The following FOLH1 variants were observed in gnomAD, a reference collection of about 807,000 sequenced individuals.
FOLH1 encodes the protein folate hydrolase 1, also known as glutamate carboxypeptidase 2.
Under a neutral mutation model 93.9 loss-of-function variants are expected in FOLH1, and 54 were observed. That is an observed-to-expected ratio of 0.57 (90% CI 0.46 to 0.72). The LOEUF (loss-of-function observed/expected upper bound fraction) is 0.72. FOLH1 is among the 30% of genes least tolerant of loss of function. The probability of loss-of-function intolerance (pLI) is 0.00; values close to 1 mark genes in which losing one functional copy is unlikely to be tolerated. For synonymous variants in FOLH1, 249 were observed against 303.6 expected, an observed-to-expected ratio of 0.82 and a Z score of 1.87; for missense variants, 571 against 892.5, an observed-to-expected ratio of 0.64 and a Z score of 4.59.
At chr11:49,206,021 A>G in intron 2 of FOLH1, 46 bp downstream of exon 2, 2 of 1,564,772 alleles carry the variant, frequency 1.3e-6, no homozygotes, top group Admixed American at 1.9e-5. Flanking sequence ...AGAATGATAA[A>G]TTTTTCTAAC....
chr11:49,201,255 G>GAGAT (rs372581246), intron 2 of FOLH1, among the ~76,000 whole-genome samples: 3 of 139,876 alleles, frequency 2.1e-5, no homozygotes, highest in African/African-American at 5.2e-5. Flanking sequence ...AGCATGAAAA[G>GAGAT]ATATATATAT....
chr11:49,188,051 C>G lies in FOLH1; in HGVS notation c.514-1282G>C, dbSNP rs147940083. Among the ~76,000 whole-genome samples the G allele has an allele frequency of 5.2e-3, 789 of 152,318 alleles. 9 individuals are homozygous for G. Among genetic ancestry groups the G allele is most frequent in the Middle Eastern group, 0.027 (8 of 294 alleles). On this transcript the variant is annotated intron_variant, in intron 4 of 18. Coordinates refer to ENST00000256999, the MANE Select transcript of FOLH1 (RefSeq NM_004476.3). The stretch of plus-strand genomic sequence containing the variant: ...CAAGAGAACACTCCACAATTATCAA[C>G]TAGCATTCTAAATTTCAATTCAGAA...
chr11:49,206,022 T>A (rs1469250080), intron 2 of FOLH1, 45 bp downstream of exon 2: 1 of 1,565,776 alleles, frequency 6.4e-7, no homozygotes, highest in Non-Finnish European at 8.6e-7. Context: ...GAATGATAAA[T>A]TTTTCTAACA....
intron 1 of FOLH1, chr11:49,207,967 CAAAACAAAAGCAAAAA>C: frequency 1.7e-6 from 1 of 577,566 alleles, no homozygotes; most frequent in South Asian, 1.6e-5. Context: ...CAAAACAAAA[CAAAACAAAAGCAAAAA>C]AAAAACTTCC....
chr11:49,205,948 C>T (rs1863873816), intron 2 of FOLH1, 119 bp downstream of exon 2: 1 of 1,075,042 alleles, frequency 9.3e-7, no homozygotes, highest in Non-Finnish European at 1.3e-6. Flanking sequence ...GATCCAAGAT[C>T]TTTAATAAAT....
rs1300363328 is a variant in FOLH1, at chr11:49,145,738, C to G, written c.*1018G>C. Reference sequence around the variant, plus strand: ...CACATATTCTTGAGACTTCTCTTTACATATTACTAGACAATATTTCATTGT... The same window carrying G: ...CACATATTCTTGAGACTTCTCTTTAGATATTACTAGACAATATTTCATTGT... On this transcript the variant is annotated 3_prime_UTR_variant, in exon 19 of 19. Transcript: ENST00000256999. 6.6e-6 allele frequency among the ~76,000 whole-genome samples: 1 copy of G among 152,150 alleles called. No individual in the cohort carries two copies. The highest frequency in any genetic ancestry group is 1.5e-5 in the Non-Finnish European group (1 of 68,022).
rs566617661 is a variant in FOLH1 at position 49,146,126 on chromosome 11, T to C, written c.*630A>G. Among the ~76,000 whole-genome samples the C allele has an allele frequency of 2.0e-5, 3 of 152,330 alleles. No homozygotes were observed. The highest frequency in any genetic ancestry group is 4.8e-5 in the African/African-American group (2 of 41,576). Reference sequence around the variant, plus strand: ...CAAAAGCATAACTGTCATTAGTACATGGGGCATCCAAAGATATTAGAAATG... The same window carrying C: ...CAAAAGCATAACTGTCATTAGTACACGGGGCATCCAAAGATATTAGAAATG... On this transcript the variant is annotated 3_prime_UTR_variant, in exon 19 of 19. Transcript: ENST00000256999.
chr11:49,198,206 G>C (rs373934085), intron 3 of FOLH1, among the ~76,000 whole-genome samples: 22 of 152,206 alleles, frequency 1.4e-4, no homozygotes, highest in African/African-American at 5.3e-4. Context: ...AACATAGCAA[G>C]ACCCCATCTT....
At chr11:49,163,223 C>T (rs1287291233) in intron 13 of FOLH1, among the ~76,000 whole-genome samples, 2 of 152,146 alleles carry the variant, frequency 1.3e-5, no homozygotes, top group Non-Finnish European at 2.9e-5. Flanking sequence ...CTCCTCCTGG[C>T]AGCTCCATCC....
At chr11:49,162,554 A>C (rs1443402390) in intron 13 of FOLH1, among the ~76,000 whole-genome samples, 2 of 152,088 alleles carry the variant, frequency 1.3e-5, no homozygotes, top group Non-Finnish European at 2.9e-5. Context: ...ACCTCAGTAA[A>C]CTTTGTCCCT....
chr11:49,205,387 T>A (rs1054137926), intron 2 of FOLH1, among the ~76,000 whole-genome samples: 15 of 152,190 alleles, frequency 9.9e-5, no homozygotes, highest in African/African-American at 3.6e-4. Context: ...ATATGCCAAA[T>A]TTATGCTAAA....
rs769976220 is a variant in FOLH1, at chr11:49,175,960, A to G, written c.921-3T>C. On this transcript the variant is annotated splice_polypyrimidine_tract_variant and splice_region_variant and intron_variant, in intron 7 of 18. Coordinates refer to ENST00000256999, the MANE Select transcript of FOLH1 (RefSeq NM_004476.3). ...GTGGTGCTGAGCCACCCATTTTTCT[A>G]TTGGACACAAAAAAACATTATTAGC... is the stretch of plus-strand genomic sequence containing the variant. 8.1e-6 allele frequency: 13 copies of G among 1,610,206 alleles called. No homozygotes were observed. In the South Asian group the frequency reaches 1.0e-4, roughly 12 times the overall value.
rs1483482080 is a variant in FOLH1 at position 49,192,778 on chromosome 11, G to T, written c.513+15C>A. 2 of 1,581,330 alleles carry T rather than the reference G, an allele frequency of 1.3e-6. No individual in the cohort carries two copies. Among genetic ancestry groups the T allele is most frequent in the African/African-American group, 1.4e-5 (1 of 73,548 alleles). ...CTTCTTTTTGTCATTTTTATTTGTT[G>T]CACTGTGTTTTTACCTCTGGCATTC... On this transcript the variant is annotated intron_variant, in intron 4 of 18. Transcript: ENST00000256999.
chr11:49,175,300 G>T (rs1859873064), intron 8 of FOLH1, among the ~76,000 whole-genome samples: 1 of 152,046 alleles, frequency 6.6e-6, no homozygotes. Flanking sequence ...GGCCCAAAGA[G>T]CAGGCAATAG....
chr11:49,185,870 GTCTT>G lies in FOLH1; in HGVS notation c.640-19_640-16del, dbSNP rs1393700774. The G allele has an allele frequency of 5.3e-6, 8 of 1,511,894 alleles. No individual in the cohort carries two copies. The Admixed American group carries it at 1.7e-4, about 32-fold the overall frequency. 93.7% of individuals were successfully genotyped at this position (1,511,894 alleles called of 1,614,324 possible). On this transcript the variant is annotated splice_polypyrimidine_tract_variant and intron_variant, in intron 5 of 18. Transcript: ENST00000256999. ...GCATTTTTAACCTAGAAAACACAGTGTCTTTCTTTCCTTATTTTAAATTGGTTGT... is the reference window on the plus strand; with the variant it reads ...GCATTTTTAACCTAGAAAACACAGTGTCTTTCCTTATTTTAAATTGGTTGT...
chr11:49,162,151 C>G (rs950216655), intron 13 of FOLH1, among the ~76,000 whole-genome samples: 1 of 152,118 alleles, frequency 6.6e-6, no homozygotes, highest in Non-Finnish European at 1.5e-5. Context: ...TCTGCATTTC[C>G]TGAATTTGAA....
intron 3 of FOLH1, among the ~76,000 whole-genome samples, chr11:49,195,949 T>C (rs1318380429): frequency 1.3e-5 from 2 of 151,800 alleles, no homozygotes; most frequent in Admixed American, 6.6e-5. Context: ...AGGTCAGGAG[T>C]TCGAGATCAG....
chr11:49,148,758 A>C, intron 17 of FOLH1, 27 bp from the exon 18 acceptor site: 1 of 1,508,270 alleles, frequency 6.6e-7, no homozygotes, highest in Non-Finnish European at 8.9e-7. Context: ...ATATAATTAT[A>C]ACTTCATGAA....
At chr11:49,203,043 T>C (rs1205770931) in intron 2 of FOLH1, among the ~76,000 whole-genome samples, 2 of 152,262 alleles carry the variant, frequency 1.3e-5, no homozygotes, top group East Asian at 3.8e-4. Context: ...CAAAATTTGA[T>C]ATTCTAGTAT....
Sources: gnomAD v4.1 joint callset for allele counts (sites outside exome capture counted in the v4.1 genomes callset) on GRCh38, gnomAD v4.1.1 for gene constraint, MANE v1.5 for transcripts, NCBI Gene and HGNC (gene_info 2026-07-23, HGNC 2026-07-21) for gene names.